RNF216: variants seen among roughly 807,000 people sequenced by gnomAD.
RNF216 encodes the protein ring finger protein 216.
In RNF216, 72 loss-of-function variants were observed where a neutral mutation model predicts 110.8. That is an observed-to-expected ratio of 0.65 (90% CI 0.54 to 0.79). The LOEUF is 0.79. Ranked by LOEUF, RNF216 falls within the 30% of genes least tolerant of loss-of-function variation. The pLI, the probability that RNF216 is intolerant of heterozygous loss-of-function variation, is 0.00. For missense variants in RNF216, 1,342 were observed against 1,141.2 expected (o/e 1.18, Z -2.54); for synonymous variants, 495 against 407.5 (o/e 1.21, Z -2.59).
intron 1 of RNF216, among the ~76,000 whole-genome samples, chr7:5,774,722 A>AC (rs1554267644): frequency 8.6e-6 from 1 of 116,884 alleles, no homozygotes; most frequent in South Asian, 3.0e-4. Context: ...ATACAGTTCA[A>AC]GGGGGGAAAA....
chr7:5,639,977 T>A lies in RNF216; in HGVS notation c.2382+1177A>T, dbSNP rs572650039. On this transcript the variant is annotated intron_variant, in intron 15 of 16. Coordinates refer to ENST00000389902, the MANE Select transcript of RNF216 (RefSeq NM_207111.4). ...GGTTTCGCCATGTTAGCCAGGATGG[T>A]CTCGATCTCCTGACCTTGTGATCCA... Among the ~76,000 whole-genome samples the A allele has an allele frequency of 7.2e-5, 11 of 152,062 alleles. No individual in the cohort carries two copies. The South Asian group carries it at 2.1e-3, about 29-fold the overall frequency.
In RNF216 at chr7:5,770,024, C is replaced by CAAAAAAAAAAAAA. The variant is rs1163710982; in HGVS notation, c.-69-8899_-69-8887dup. Among the ~76,000 whole-genome samples, 2 of 24,154 alleles carry CAAAAAAAAAAAAA rather than the reference C, an allele frequency of 8.3e-5. 1 individual carries two copies. The highest frequency in any genetic ancestry group is 3.7e-4 in the African/African-American group (2 of 5,442). The allele number at this position is 24,154 out of a possible 152,430, so 15.8% of individuals were successfully genotyped here. Reference sequence around the variant, plus strand: ...CTGGCTGACAGAGTGAGACCCATCTCAAAAAAAAAAAAAAAAAAAAAAAAA... The same window carrying CAAAAAAAAAAAAA: ...CTGGCTGACAGAGTGAGACCCATCTCAAAAAAAAAAAAAAAAAAAAAAAAAAAAAAAAAAAAAA... On this transcript the variant is annotated intron_variant, in intron 1 of 16. Transcript: ENST00000389902.
chr7:5,644,751 C>A (rs925928599), intron 14 of RNF216, among the ~76,000 whole-genome samples: 1 of 152,038 alleles, frequency 6.6e-6, no homozygotes, highest in Non-Finnish European at 1.5e-5. Flanking sequence ...GCTATCTGCC[C>A]GACCTTGGCC....
At chr7:5,777,127 C>G (rs1219499226) in intron 1 of RNF216, among the ~76,000 whole-genome samples, 1 of 149,142 alleles carries the variant, frequency 6.7e-6, no homozygotes, top group Non-Finnish European at 1.5e-5. Flanking sequence ...CCAGTGGAGC[C>G]CGGCCTTCCA....
chr7:5,763,109 T>G (rs956887517), intron 1 of RNF216, among the ~76,000 whole-genome samples: 2 of 151,724 alleles, frequency 1.3e-5, no homozygotes, highest in African/African-American at 4.8e-5. Context: ...ATGAGAGTAA[T>G]GGGGACAAAA....
At chr7:5,679,497 G>A (rs896299484) in intron 13 of RNF216, among the ~76,000 whole-genome samples, 5 of 152,228 alleles carry the variant, frequency 3.3e-5, no homozygotes, top group East Asian at 1.9e-4. Flanking sequence ...GGGGGAATGC[G>A]GTGAAGCCTC....
rs189634470 is a variant in RNF216 at position 5,744,064 on chromosome 7, G to A, written c.202-2249C>T. On this transcript the variant is annotated intron_variant, in intron 3 of 16. Transcript: ENST00000389902. ...AAAACAAGAGAAGTAACAGACAACAGAAACAAATATACAAGGGTTTCACAC... is the reference window on the plus strand; with the variant it reads ...AAAACAAGAGAAGTAACAGACAACAAAAACAAATATACAAGGGTTTCACAC... 2.6e-5 allele frequency among the ~76,000 whole-genome samples: 4 copies of A among 152,232 alleles called. No homozygotes were observed. In the East Asian group the frequency reaches 7.7e-4, roughly 29 times the overall value.
chr7:5,698,848 A>T (rs1791794930), intron 13 of RNF216, among the ~76,000 whole-genome samples: 2 of 152,284 alleles, frequency 1.3e-5, no homozygotes, highest in East Asian at 3.9e-4. Flanking sequence ...TCTCACAAAA[A>T]GCTGTTAACA....
At chr7:5,664,515 T>G (rs1789377507) in intron 13 of RNF216, among the ~76,000 whole-genome samples, 2 of 152,230 alleles carry the variant, frequency 1.3e-5, no homozygotes, top group Admixed American at 1.3e-4. Flanking sequence ...ACATGGAAGT[T>G]GATCTCTCTT....
chr7:5,684,000 T>C (rs1350818546), intron 13 of RNF216, among the ~76,000 whole-genome samples: 1 of 151,382 alleles, frequency 6.6e-6, no homozygotes, highest in Admixed American at 6.6e-5. Flanking sequence ...TGGCGGGATG[T>C]GTGAAGACCA....
chr7:5,752,662 A>G (rs1477719259), intron 3 of RNF216, among the ~76,000 whole-genome samples, 184 bp downstream of exon 3: 2 of 152,234 alleles, frequency 1.3e-5, no homozygotes, highest in African/African-American at 4.8e-5. Flanking sequence ...GCAGATATTC[A>G]ATCCAGAAAC....
At chr7:5,723,423 G>T (rs1197674732) in intron 8 of RNF216, among the ~76,000 whole-genome samples, 25 of 151,946 alleles carry the variant, frequency 1.6e-4, no homozygotes, top group Admixed American at 1.6e-3. Context: ...CGAGGCGGGC[G>T]GATCACGAGG....
At position 5,705,378 on chromosome 7, in the gene RNF216, G is replaced by A. The variant is rs528009621; in HGVS notation, c.2061+6383C>T. Among the ~76,000 whole-genome samples the A allele has an allele frequency of 1.4e-4, 22 of 152,240 alleles. No homozygotes were observed. The South Asian group carries it at 2.9e-3, about 20-fold the overall frequency. ...ACCAGACACGCCTGTGAGACCTCTG[G>A]CTTTCTCCCCACCTTCACATGCAAC... On this transcript the variant is annotated intron_variant, in intron 13 of 16. Coordinates refer to ENST00000389902, the MANE Select transcript of RNF216 (RefSeq NM_207111.4).
chr7:5,740,922 A>G, intron 4 of RNF216, 51 bp downstream of exon 4: 1 of 1,500,316 alleles, frequency 6.7e-7, no homozygotes, highest in Non-Finnish European at 8.9e-7. Context: ...AAAAAAAGAA[A>G]AAAACTCAGT....
At chr7:5,628,302 C>T (rs111650998) in intron 15 of RNF216, among the ~76,000 whole-genome samples, 1,740 of 152,136 alleles carry the variant, frequency 0.011, 37 homozygotes, top group African/African-American at 0.028. Context: ...CCCAAAATGA[C>T]GGCACTCAGC....
rs773550601 is a variant in RNF216 at position 5,711,757 on chromosome 7, C to T, written c.2061+4G>A. 34 of 1,611,748 alleles carry T rather than the reference C, an allele frequency of 2.1e-5. No homozygotes were observed. In the South Asian group the frequency reaches 3.5e-4, roughly 17 times the overall value. On this transcript the variant is annotated splice_donor_region_variant and intron_variant, in intron 13 of 16. Coordinates refer to ENST00000389902, the MANE Select transcript of RNF216 (RefSeq NM_207111.4). ...TACATCTAGAAAAAAATGTGCCTCC[C>T]TACCTTTCGGCAGTGAGGATTAGGA...
chr7:5,725,481 A>G (rs760993536), intron 7 of RNF216, 43 bp from the exon 8 acceptor site: 7 of 1,134,890 alleles, frequency 6.2e-6, no homozygotes, highest in East Asian at 4.7e-5. Context: ...TAAATAGAAA[A>G]TAAGAATACA....
intron 7 of RNF216, among the ~76,000 whole-genome samples, chr7:5,727,917 C>G (rs554066300): frequency 1.2e-3 from 175 of 151,736 alleles, no homozygotes; most frequent in Non-Finnish European, 1.8e-3. Context: ...CTCTCAAAGT[C>G]CTATCACCAT....
chr7:5,736,545 G>A (rs960890840), intron 5 of RNF216, among the ~76,000 whole-genome samples: 2 of 151,916 alleles, frequency 1.3e-5, no homozygotes, highest in African/African-American at 2.4e-5. Context: ...CCGCCACCCC[G>A]TCTGGGAAGT....
Sources: gnomAD v4.1 joint callset for allele counts (sites outside exome capture counted in the v4.1 genomes callset) on GRCh38, gnomAD v4.1.1 for gene constraint, MANE v1.5 for transcripts, NCBI Gene and HGNC (gene_info 2026-07-23, HGNC 2026-07-21) for gene names.